Variants in CAPS2 observed in about 807,000 individuals in gnomAD.
The protein encoded by CAPS2 is calcyphosin-2.
CAPS2 carries 98 observed loss-of-function variants against 86.5 expected under a neutral mutation model. The ratio of observed to expected loss-of-function variants is 1.13; its 90% CI spans 0.96 to 1.34. The LOEUF is 1.34. Among genes scored for constraint, CAPS2 ranks in the 40% most tolerant of loss-of-function variants. The pLI is 0.00. For synonymous variants in CAPS2, 210 were observed against 225.1 expected, an observed-to-expected ratio of 0.93 and a Z score of 0.60; for missense variants, 729 against 686.8, an observed-to-expected ratio of 1.06 and a Z score of -0.69.
At chr12:75,278,614 A>G (rs2033315871) in exon 17 of CAPS2, 1 of 1,095,634 alleles carries the variant, frequency 9.1e-7, no homozygotes, top group Non-Finnish European at 1.1e-6. Context: ...TACGCAAGAT[A>G]AGTAATAAAC....
At chr12:75,314,802 C>T (rs1479491137) in intron 6 of CAPS2, among the ~76,000 whole-genome samples, 4 of 151,980 alleles carry the variant, frequency 2.6e-5, no homozygotes, top group Non-Finnish European at 5.9e-5. Context: ...AGTGTTGAAG[C>T]TTGTGGTGGT....
At chr12:75,377,920 A>G (rs1346183640) in intron 1 of CAPS2, among the ~76,000 whole-genome samples, 2 of 151,666 alleles carry the variant, frequency 1.3e-5, no homozygotes, top group Non-Finnish European at 2.9e-5. Context: ...ATCATTTTAA[A>G]TGTATTTTTA....
chr12:75,306,640 T>C (rs2038537735), intron 7 of CAPS2, among the ~76,000 whole-genome samples: 1 of 152,110 alleles, frequency 6.6e-6, no homozygotes, highest in Non-Finnish European at 1.5e-5. Context: ...ACTGATGAAA[T>C]ATATTGAGAA....
At chr12:75,280,408 A>G (rs2033715425) in intron 16 of CAPS2, among the ~76,000 whole-genome samples, 1 of 151,820 alleles carries the variant, frequency 6.6e-6, no homozygotes, top group Non-Finnish European at 1.5e-5. Context: ...TGTCATTTTT[A>G]ATATGAACGC....
At chr12:75,365,187 T>C (rs971174809) in intron 1 of CAPS2, 1 of 152,180 alleles carries the variant, frequency 6.6e-6, no homozygotes, top group Non-Finnish European at 1.5e-5. Context: ...TCAGGCTCAA[T>C]GGGATTCCAA....
At position 75,293,190 on chromosome 12, in the gene CAPS2, A is replaced by G; in HGVS notation, c.1163+59T>C. 3 of 997,070 alleles carry G rather than the reference A, an allele frequency of 3.0e-6. No individual in the cohort carries two copies. In the South Asian group the frequency reaches 4.0e-5, roughly 13 times the overall value. The allele number at this position is 997,070 out of a possible 1,614,324, so 61.8% of individuals were successfully genotyped here. ...CCTTATAGTAGAATGTCATTTTAAG[A>G]TAATTTAAAAATAGTGTTTTCACCT... On this transcript the variant is annotated intron_variant, in intron 12 of 16. Coordinates refer to ENST00000393284, the Ensembl canonical transcript of CAPS2.
chr12:75,311,699 GGAAAAAAAAAAAC>G (rs1460023947), intron 7 of CAPS2, among the ~76,000 whole-genome samples: 454 of 16,894 alleles, frequency 0.027, 51 homozygotes, highest in East Asian at 0.19. Flanking sequence ...AAGCCATGCA[GGAAAAAAAAAAAC>G]AAAAAAAAAA....
intron 6 of CAPS2, among the ~76,000 whole-genome samples, chr12:75,313,935 T>G (rs1403573217): frequency 6.6e-6 from 1 of 152,218 alleles, no homozygotes; most frequent in Non-Finnish European, 1.5e-5. Context: ...TTTGGCTTTT[T>G]TTGAGACAGG....
At chr12:75,278,928 C>A in exon 17 of CAPS2, 1 of 1,599,842 alleles carries the variant, frequency 6.3e-7, no homozygotes, top group South Asian at 1.1e-5. Flanking sequence ...TTAACAAAGT[C>A]TTCATCATCT....
intron 16 of CAPS2, among the ~76,000 whole-genome samples, chr12:75,281,732 T>C (rs1228830698): frequency 1.3e-5 from 2 of 152,058 alleles, no homozygotes; most frequent in Admixed American, 6.6e-5. Flanking sequence ...CATGCACTTA[T>C]AAAACAATTA....
At chr12:75,326,775 G>T (rs1312822789), upstream of CAPS2, among the ~76,000 whole-genome samples, 1 of 152,126 alleles carries the variant, frequency 6.6e-6, no homozygotes, top group Non-Finnish European at 1.5e-5. Context: ...ATGGCAAAAA[G>T]GACTTCAGAT....
In CAPS2 at chr12:75,285,055, A is replaced by C. The variant is rs979830721; in HGVS notation, c.1421T>G (p.Leu474Arg). ...AACCTTGCCATTGCCATTGTCATTC[A>C]GAATTAGCCATGCAGACTCAAAATC... Residue 474 changes from leucine (L) to arginine (R), a missense_variant, in exon 15 of 17, where the codon CTG becomes CGG. Transcript: ENST00000393284. 4 of 1,610,994 alleles carry C rather than the reference A, an allele frequency of 2.5e-6. No homozygotes were observed. In the African/African-American group the frequency reaches 5.3e-5, roughly 22 times the overall value.
intron 7 of CAPS2, among the ~76,000 whole-genome samples, chr12:75,305,198 C>G (rs2038308198): frequency 6.6e-6 from 1 of 151,832 alleles, no homozygotes. Context: ...GGAGAGAACA[C>G]AGGTAAAGTA....
chr12:75,278,537 G>C, exon 17 of CAPS2: 1 of 996,556 alleles, frequency 1.0e-6, no homozygotes, highest in Non-Finnish European at 1.2e-6. Flanking sequence ...ATAAATAGAT[G>C]TTGCCATATT....
chr12:75,373,588 G>C (rs75937712), intron 1 of CAPS2: 5,774 of 152,346 alleles, frequency 0.038, 124 homozygotes, highest in East Asian at 0.052. Flanking sequence ...ATACTGGGGA[G>C]ATTTCCCTTC....
chr12:75,370,167 A>T, intron 1 of CAPS2: 1 of 1,499,294 alleles, frequency 6.7e-7, no homozygotes, highest in East Asian at 2.3e-5. Flanking sequence ...TTCTTCTGAG[A>T]ATCTTTTAAT....
chr12:75,363,315 G>A (rs1008109497), intron 1 of CAPS2: 23 of 411,674 alleles, frequency 5.6e-5, no homozygotes, highest in Middle Eastern at 6.5e-4. Context: ...GTTATCTTAC[G>A]ATATAAATCA....
chr12:75,314,231 T>C (rs2039524975), intron 6 of CAPS2, among the ~76,000 whole-genome samples: 2 of 152,152 alleles, frequency 1.3e-5, no homozygotes, highest in Admixed American at 6.5e-5. Flanking sequence ...AAATTTAGTT[T>C]TAATAATAAT....
chr12:75,335,371 T>A (rs73364071), intron 1 of CAPS2, among the ~76,000 whole-genome samples: 26 of 152,132 alleles, frequency 1.7e-4, no homozygotes, highest in Non-Finnish European at 1.5e-5. Flanking sequence ...TTGAAAAAAA[T>A]ACAGTACTCT....
Sources: gnomAD v4.1 joint callset for allele counts (sites outside exome capture counted in the v4.1 genomes callset) on GRCh38, gnomAD v4.1.1 for gene constraint, MANE v1.5 for transcripts, NCBI Gene and HGNC (gene_info 2026-07-23, HGNC 2026-07-21) for gene names.